Variants in ROBO2 observed in about 807,000 individuals in gnomAD.
The protein encoded by ROBO2 is roundabout guidance receptor 2, also known as roundabout homolog 2.
In ROBO2, 53 loss-of-function variants were observed where a neutral mutation model predicts 160.8. The ratio of observed to expected loss-of-function variants is 0.33; its 90% confidence interval spans 0.26 to 0.41. The LOEUF (loss-of-function observed/expected upper bound fraction) is 0.41, where lower values mean the gene tolerates loss of function less well. Ranked by LOEUF, ROBO2 falls within the 10% of genes least tolerant of loss-of-function variation. The pLI is 1.00. For synonymous variants in ROBO2, 664 were observed against 611.7 expected (o/e 1.09, Z -1.26); for missense variants, 1,577 against 1,722.4 (o/e 0.92, Z 1.49).
chr3:76,154,819 T>G lies in ROBO2; in HGVS notation c.109+217217T>G, dbSNP rs912794023. ...GACATATTTTCCAGGCAGACAAATA[T>G]GTATTTTAAGGGTAATGACACCAAC... is the stretch of plus-strand genomic sequence containing the variant. On this transcript the variant is annotated intron_variant, in intron 2 of 26. Transcript: ENST00000487694. Among the ~76,000 whole-genome samples the G allele has an allele frequency of 2.0e-5, 3 of 152,178 alleles. No individual in the cohort carries two copies. The East Asian group carries it at 5.8e-4, about 29-fold the overall frequency.
intron 2 of ROBO2, among the ~76,000 whole-genome samples, chr3:76,075,402 T>G (rs1367643756): frequency 6.6e-6 from 1 of 151,882 alleles, no homozygotes; most frequent in Admixed American, 6.6e-5. Context: ...ACGCTCTTCC[T>G]CTGTCTTTGC....
At chr3:76,219,712 C>T (rs551276485) in intron 2 of ROBO2, among the ~76,000 whole-genome samples, 1 of 152,270 alleles carries the variant, frequency 6.6e-6, no homozygotes, top group East Asian at 1.9e-4. Context: ...AATAGGAACA[C>T]TTTTACACTG....
At chr3:77,317,413 C>CA (rs1197045658) in intron 2 of ROBO2, 3 of 1,342,190 alleles carry the variant, frequency 2.2e-6, no homozygotes, top group Non-Finnish European at 3.1e-6. Context: ...GAGCCATAGT[C>CA]AGTCCATCGG....
At chr3:77,142,632 G>A (rs76042276) in intron 2 of ROBO2, among the ~76,000 whole-genome samples, 2,489 of 152,274 alleles carry the variant, frequency 0.016, 26 homozygotes, top group African/African-American at 0.027. Flanking sequence ...ATCAATACGC[G>A]GTGGTCCCTA....
intron 2 of ROBO2, among the ~76,000 whole-genome samples, chr3:76,998,199 T>C (rs1000742332): frequency 1.3e-5 from 2 of 152,126 alleles, no homozygotes; most frequent in Non-Finnish European, 2.9e-5. Flanking sequence ...GGAGCATTGA[T>C]TGTTGCTTAC....
At chr3:77,017,711 C>T (rs1376064857) in intron 2 of ROBO2, among the ~76,000 whole-genome samples, 2 of 151,956 alleles carry the variant, frequency 1.3e-5, no homozygotes, top group Non-Finnish European at 2.9e-5. Flanking sequence ...ATTGTTAAAT[C>T]AATGCTGACT....
intron 2 of ROBO2, among the ~76,000 whole-genome samples, chr3:76,026,794 T>A (rs2066761071): frequency 6.6e-6 from 1 of 151,936 alleles, no homozygotes; most frequent in Non-Finnish European, 1.5e-5. Context: ...CAGAGGCTGC[T>A]ATTTTCTAAT....
intron 2 of ROBO2, among the ~76,000 whole-genome samples, chr3:76,680,699 G>T (rs1192443093): frequency 6.6e-6 from 1 of 151,958 alleles, no homozygotes; most frequent in Non-Finnish European, 1.5e-5. Flanking sequence ...AAATATTGTT[G>T]TCAAATATCA....
At chr3:77,363,532 G>A (rs563102838) in intron 2 of ROBO2, among the ~76,000 whole-genome samples, 3 of 152,120 alleles carry the variant, frequency 2.0e-5, no homozygotes, top group Non-Finnish European at 4.4e-5. Context: ...CAAAAATGAA[G>A]ACCCAAAGAT....
chr3:77,102,630 A>G (rs372417590), intron 2 of ROBO2, among the ~76,000 whole-genome samples: 306 of 152,280 alleles, frequency 2.0e-3, no homozygotes, highest in African/African-American at 7.0e-3. Flanking sequence ...CGATTCTACT[A>G]TGATACGAAA....
At chr3:76,894,391 G>GT (rs1282195995) in intron 2 of ROBO2, among the ~76,000 whole-genome samples, 1 of 152,000 alleles carries the variant, frequency 6.6e-6, no homozygotes, top group Non-Finnish European at 1.5e-5. Context: ...CTTTTATTTA[G>GT]TATGTTTTAC....
At chr3:75,922,454 A>G (rs1196279027) in intron 1 of ROBO2, among the ~76,000 whole-genome samples, 2 of 152,148 alleles carry the variant, frequency 1.3e-5, no homozygotes, top group Non-Finnish European at 2.9e-5. Flanking sequence ...ATGTGTAAAA[A>G]GCAAATATCT....
rs557547566 is a variant in ROBO2, at chr3:76,949,577, G to A, written c.110-148437G>A. On this transcript the variant is annotated intron_variant, in intron 2 of 26. Coordinates refer to the ROBO2 transcript ENST00000487694. ...CTTCTCCCCTGTTTCCGGTGTCCAC[G>A]TCCGACCGGCTTCTCCCCTATTTCC... 2.6e-5 allele frequency among the ~76,000 whole-genome samples: 4 copies of A among 152,210 alleles called. No individual in the cohort carries two copies. In the South Asian group the frequency reaches 8.3e-4, roughly 32 times the overall value.
At chr3:77,472,160 T>A (rs1382750904) in intron 2 of ROBO2, among the ~76,000 whole-genome samples, 1 of 152,124 alleles carries the variant, frequency 6.6e-6, no homozygotes, top group Non-Finnish European at 1.5e-5. Flanking sequence ...TTTTATAAAC[T>A]GATCTTGGAA....
chr3:77,647,868 TG>T, exon 26 of ROBO2: 1 of 152,188 alleles, frequency 6.6e-6, no homozygotes, highest in East Asian at 1.9e-4. Context: ...AGCCAATTTT[TG>T]TCACGTCGTT....
At chr3:76,442,332 CT>C (rs2076961280) in intron 2 of ROBO2, among the ~76,000 whole-genome samples, 2 of 152,182 alleles carry the variant, frequency 1.3e-5, no homozygotes. Flanking sequence ...TCAGGATGCT[CT>C]CAAGGGTGTG....
intron 2 of ROBO2, among the ~76,000 whole-genome samples, chr3:76,233,982 C>A (rs1365504122): frequency 2.0e-5 from 3 of 152,154 alleles, no homozygotes; most frequent in Non-Finnish European, 4.4e-5. Context: ...CACGCTCCAA[C>A]CTCAAGTAGA....
At chr3:76,690,123 G>T (rs960048540) in intron 2 of ROBO2, among the ~76,000 whole-genome samples, 1 of 152,104 alleles carries the variant, frequency 6.6e-6, no homozygotes, top group African/African-American at 2.4e-5. Context: ...AGCAAGGGGA[G>T]TATGGAAACA....
At chr3:77,450,102 G>T (rs141455025) in intron 2 of ROBO2, among the ~76,000 whole-genome samples, 1 of 152,012 alleles carries the variant, frequency 6.6e-6, no homozygotes, top group South Asian at 2.1e-4. Flanking sequence ...GAAATAGCTC[G>T]TTGCTAATTT....
Sources: gnomAD v4.1 joint callset for allele counts (sites outside exome capture counted in the v4.1 genomes callset) on GRCh38, gnomAD v4.1.1 for gene constraint, MANE v1.5 for transcripts, NCBI Gene and HGNC (gene_info 2026-07-23, HGNC 2026-07-21) for gene names.